The following ITGB8 variants were observed in gnomAD, a reference collection of about 807,000 sequenced individuals.
The protein encoded by ITGB8 is integrin subunit beta 8, also known as integrin beta-8.
ITGB8 carries 30 observed loss-of-function variants against 89.5 expected under a neutral mutation model. That is an observed-to-expected ratio of 0.34 (90% confidence interval 0.25 to 0.45). ITGB8 has a LOEUF of 0.45. Ranked by LOEUF, ITGB8 falls within the 20% of genes least tolerant of loss-of-function variation. ITGB8 has a pLI of 1.00. For missense variants in ITGB8, 836 were observed against 933.3 expected, an observed-to-expected ratio of 0.90 and a Z score of 1.36; for synonymous variants, 335 against 320.4, an observed-to-expected ratio of 1.05 and a Z score of -0.49.
rs1786270148 is a variant in ITGB8 at position 20,379,086 on chromosome 7, C to A, written c.424C>A (p.Leu142Met). Residue 142 changes from leucine to methionine, a missense_variant, in exon 4 of 14, where the codon CTG becomes ATG. By Grantham distance (15) the Leu-to-Met change is conservative. Coordinates refer to ENST00000222573, the MANE Select transcript of ITGB8 (RefSeq NM_002214.3). ...TAATTTTATGCTGAAAGTTCATCCT[C>A]TGAAGAAATATCCTGTGGATCTTTA... is the stretch of plus-strand genomic sequence containing the variant. ...EANFMLKVHP[L>M]KKYPVDLYYL... 1 of 1,595,876 alleles carries A rather than the reference C, an allele frequency of 6.3e-7. No homozygotes were observed. The highest frequency in any genetic ancestry group is 1.7e-5 in the Admixed American group (1 of 57,892).
In ITGB8 at chr7:20,379,038, T is replaced by C; in HGVS notation, c.389-13T>C. On this transcript the variant is annotated splice_polypyrimidine_tract_variant and intron_variant, in intron 3 of 13. Transcript: ENST00000222573. Reference sequence around the variant, plus strand: ...AATGAAGACTACATGATGTTTTTCTTCTATTGAACTAGGAGCCGAAGCTAA... The same window carrying C: ...AATGAAGACTACATGATGTTTTTCTCCTATTGAACTAGGAGCCGAAGCTAA... 2 of 1,559,830 alleles carry C rather than the reference T, an allele frequency of 1.3e-6. No homozygotes were observed. The highest frequency in any genetic ancestry group is 1.2e-5 in the South Asian group (1 of 81,836).
chr7:20,403,278 A>G (rs1250908108), intron 10 of ITGB8, among the ~76,000 whole-genome samples: 12 of 152,198 alleles, frequency 7.9e-5, no homozygotes, highest in African/African-American at 2.2e-4. Context: ...GGGAGGAAAA[A>G]TATTATTTTA....
chr7:20,379,343 T>C (rs1786280033), intron 4 of ITGB8, 46 bp downstream of exon 4: 3 of 1,329,044 alleles, frequency 2.3e-6, no homozygotes, highest in Non-Finnish European at 3.0e-6. Context: ...TTTTTGCTTA[T>C]AAAATCTCAC....
chr7:20,374,914 T>C (rs1201013643), intron 3 of ITGB8, among the ~76,000 whole-genome samples: 2 of 152,182 alleles, frequency 1.3e-5, no homozygotes. Context: ...TAGATAATGA[T>C]GGCTGGAAAA....
chr7:20,349,260 G>A (rs991650028), intron 1 of ITGB8, among the ~76,000 whole-genome samples: 4 of 151,892 alleles, frequency 2.6e-5, no homozygotes, highest in Admixed American at 1.3e-4. Context: ...ATTTACTTTA[G>A]AGAACAGGAT....
chr7:20,345,141 C>T (rs149438483), intron 1 of ITGB8, among the ~76,000 whole-genome samples: 1,983 of 152,210 alleles, frequency 0.013, 50 homozygotes, highest in Non-Finnish European at 0.013. Context: ...TGAGCCAATT[C>T]CCAGGGCCTC....
chr7:20,370,600 T>TTTTTTA (rs368578359), intron 3 of ITGB8, among the ~76,000 whole-genome samples: 164 of 144,410 alleles, frequency 1.1e-3, no homozygotes, highest in African/African-American at 3.6e-3. Flanking sequence ...TATTTACTTA[T>TTTTTTA]TTATTATTAT....
intron 6 of ITGB8, among the ~76,000 whole-genome samples, chr7:20,384,526 T>G (rs1266738765): frequency 6.6e-6 from 1 of 152,204 alleles, no homozygotes; most frequent in East Asian, 1.9e-4. Context: ...AACAACTCTA[T>G]AAGGTAGTCA....
intron 1 of ITGB8, among the ~76,000 whole-genome samples, chr7:20,335,966 C>G (rs373855225): frequency 1.8e-4 from 27 of 150,416 alleles, no homozygotes; most frequent in African/African-American, 6.6e-4. Context: ...TCAGGACCCA[C>G]TCCTAAGGAC....
In ITGB8 at chr7:20,411,962, C is replaced by A. The variant is rs1206683197; in HGVS notation, c.*1965C>A. 3 of 152,614 alleles carry A rather than the reference C, an allele frequency of 2.0e-5. No homozygotes were observed. Among genetic ancestry groups the A allele is most frequent in the African/African-American group, 7.2e-5 (3 of 41,442 alleles). 9.5% of individuals were successfully genotyped at this position (152,614 alleles called of 1,614,324 possible). ...CTGATTTTATTGGCTAGGAGTCTAA[C>A]AGTCCTGTGTGGATATACAGTTTTG... On this transcript the variant is annotated 3_prime_UTR_variant, in exon 14 of 14. Coordinates refer to ENST00000222573, the MANE Select transcript of ITGB8 (RefSeq NM_002214.3).
intron 1 of ITGB8, among the ~76,000 whole-genome samples, chr7:20,339,207 AAC>A (rs1428085406): frequency 1.1e-4 from 17 of 151,832 alleles, no homozygotes; most frequent in Non-Finnish European, 1.8e-4. Context: ...AAAAAAAAAA[AAC>A]AACTTAGGAA....
chr7:20,346,600 G>A lies in ITGB8; in HGVS notation c.127+14667G>A, dbSNP rs114494790. On this transcript the variant is annotated intron_variant, in intron 1 of 13. Coordinates refer to ENST00000222573, the MANE Select transcript of ITGB8 (RefSeq NM_002214.3). ...GACTTGCTCTTAATTCTTAGGGAAG[G>A]AAGAGACAAGGTCTGAGGAAGCCTG... is the stretch of plus-strand genomic sequence containing the variant. 1,312 of 510,304 alleles carry A rather than the reference G, an allele frequency of 2.6e-3. 20 individuals carry two copies. The highest frequency in any genetic ancestry group is 0.026 in the African/African-American group (1,234 of 48,286). The allele number at this position is 510,304 out of a possible 1,614,324, so 31.6% of individuals were successfully genotyped here.
At chr7:20,393,833 A>G (rs1786962392) in intron 7 of ITGB8, among the ~76,000 whole-genome samples, 1 of 152,204 alleles carries the variant, frequency 6.6e-6, no homozygotes, top group African/African-American at 2.4e-5. Flanking sequence ...CATCTCCTCC[A>G]GAAAACAGTC....
chr7:20,354,617 C>G (rs1258598602), intron 1 of ITGB8, among the ~76,000 whole-genome samples: 1 of 152,108 alleles, frequency 6.6e-6, no homozygotes, highest in Non-Finnish European at 1.5e-5. Context: ...TGTGTTTAGC[C>G]TCGGCTTCTA....
At position 20,404,610 on chromosome 7, in the gene ITGB8, G is replaced by A; in HGVS notation, c.1688-18G>A. 1 of 1,604,940 alleles carries A rather than the reference G, an allele frequency of 6.2e-7. No homozygotes were observed. Among genetic ancestry groups the A allele is most frequent in the Non-Finnish European group, 8.5e-7 (1 of 1,173,620 alleles). On this transcript the variant is annotated intron_variant, in intron 10 of 13. Coordinates refer to ENST00000222573, the MANE Select transcript of ITGB8 (RefSeq NM_002214.3). ...CAGTGATCCAGATAACATAGGTCCT[G>A]CGGTGTCTTCCTCACAGGGCATGGA...
intron 7 of ITGB8, among the ~76,000 whole-genome samples, chr7:20,392,298 C>T (rs970000950): frequency 1.3e-5 from 2 of 152,106 alleles, no homozygotes; most frequent in Admixed American, 6.5e-5. Context: ...CCATCTGCTC[C>T]CTAATTATAC....
intron 1 of ITGB8, among the ~76,000 whole-genome samples, chr7:20,351,175 G>A (rs1307458434): frequency 6.6e-6 from 1 of 152,190 alleles, no homozygotes; most frequent in Non-Finnish European, 1.5e-5. Context: ...GAATTTTCTG[G>A]AGGTACTAGG....
chr7:20,404,487 G>A, intron 10 of ITGB8, 141 bp from the exon 11 acceptor site: 2 of 712,890 alleles, frequency 2.8e-6, no homozygotes, highest in South Asian at 1.7e-5. Flanking sequence ...GTTTGTGTCA[G>A]ACCAATGAAA....
intron 1 of ITGB8, among the ~76,000 whole-genome samples, chr7:20,344,147 C>A (rs77970100): frequency 0.017 from 2,595 of 151,976 alleles, 68 homozygotes; most frequent in African/African-American, 0.059. Flanking sequence ...CGAGATAGTG[C>A]TGTGGGGCAG....
Sources: allele counts gnomAD v4.1 joint callset (sites outside exome capture counted in the v4.1 genomes callset), GRCh38; gene constraint gnomAD v4.1.1; transcripts MANE v1.5; gene names NCBI Gene and HGNC (gene_info 2026-07-23, HGNC 2026-07-21).